ADARB2: variants seen among roughly 807,000 people sequenced by gnomAD.
The protein encoded by ADARB2 is adenosine deaminase RNA specific B2 (inactive).
ADARB2 carries 25 observed loss-of-function variants against 62.2 expected under a neutral mutation model. The ratio of observed to expected loss-of-function variants is 0.40; its 90% CI spans 0.29 to 0.56. The LOEUF is 0.56. Ranked by LOEUF, ADARB2 falls within the 20% of genes least tolerant of loss-of-function variation. ADARB2 has a pLI of 0.43. For missense variants in ADARB2, 1,071 were observed against 1,077.4 expected (o/e 0.99, Z 0.08); for synonymous variants, 572 against 500.8 (o/e 1.14, Z -1.90).
chr10:1,612,436 G>A (rs1260078027), intron 1 of ADARB2, among the ~76,000 whole-genome samples: 2 of 152,242 alleles, frequency 1.3e-5, no homozygotes, highest in Non-Finnish European at 2.9e-5. Context: ...GAAAGCAGCA[G>A]GTGGTCATGA....
intron 3 of ADARB2, among the ~76,000 whole-genome samples, chr10:1,331,713 T>C (rs750536096): frequency 6.6e-6 from 1 of 152,214 alleles, no homozygotes; most frequent in Non-Finnish European, 1.5e-5. Flanking sequence ...CTTTAAAGGG[T>C]GATTTTTATG....
rs965835496 is a variant in ADARB2 at position 1,367,842 on chromosome 10, G to A, written c.188-3925C>T. 2.6e-5 allele frequency among the ~76,000 whole-genome samples: 4 copies of A among 152,350 alleles called. No homozygotes were observed. The East Asian group carries it at 5.8e-4, about 22-fold the overall frequency. On this transcript the variant is annotated intron_variant, in intron 2 of 9. Transcript: ENST00000381312. Reference sequence around the variant, plus strand: ...ACAGCAACGCTTTGCCGCTAGCTGCGCTGAATGCCTCTTCCTGACTCAATG... The same window carrying A: ...ACAGCAACGCTTTGCCGCTAGCTGCACTGAATGCCTCTTCCTGACTCAATG...
intron 1 of ADARB2, among the ~76,000 whole-genome samples, chr10:1,632,951 C>T (rs1833861137): frequency 6.6e-6 from 1 of 152,152 alleles, no homozygotes; most frequent in South Asian, 2.1e-4. Flanking sequence ...CTGCCCTTGT[C>T]CATGTGGGTG....
At chr10:1,352,024 C>G (rs564517490) in intron 3 of ADARB2, among the ~76,000 whole-genome samples, 11 of 151,580 alleles carry the variant, frequency 7.3e-5, no homozygotes, top group African/African-American at 2.4e-4. Context: ...TCATCCCAGC[C>G]TCTCTTCGCT....
chr10:1,617,482 G>A (rs1370352603), intron 1 of ADARB2, among the ~76,000 whole-genome samples: 2 of 116,382 alleles, frequency 1.7e-5, no homozygotes, highest in Non-Finnish European at 1.8e-5. Context: ...TTGTGTGCCC[G>A]TCCAGACACA....
Position 1,593,795 on chromosome 10 carries a change from C to A in ADARB2, c.100+143256G>T, listed in dbSNP as rs192395185. Among the ~76,000 whole-genome samples, 453 of 152,286 alleles carry A rather than the reference C, an allele frequency of 3.0e-3. 4 individuals are homozygous for A. Among genetic ancestry groups the A allele is most frequent in the African/African-American group, 0.01 (422 of 41,558 alleles). ...TTATTTGACTTTTACCCTTCTCTCT[C>A]TTTTTTCCTAATACAGTGCTTGGTA... On this transcript the variant is annotated intron_variant, in intron 1 of 9. Transcript: ENST00000381312.
intron 1 of ADARB2, among the ~76,000 whole-genome samples, chr10:1,735,398 C>T (rs1005592511): frequency 6.6e-6 from 1 of 152,188 alleles, no homozygotes; most frequent in Non-Finnish European, 1.5e-5. Flanking sequence ...TGGAGAAAGG[C>T]AACACTTTCC....
chr10:1,269,664 G>T (rs1831239775), intron 4 of ADARB2, among the ~76,000 whole-genome samples: 2 of 152,028 alleles, frequency 1.3e-5, no homozygotes, highest in South Asian at 4.2e-4. Context: ...GATGCTCTTG[G>T]CCTGCCAAAC....
At chr10:1,437,847 G>A (rs895392794) in intron 1 of ADARB2, among the ~76,000 whole-genome samples, 3 of 152,226 alleles carry the variant, frequency 2.0e-5, no homozygotes, top group African/African-American at 7.2e-5. Context: ...TATGGGACGT[G>A]TAGGGCAGAT....
At chr10:1,483,478 C>T (rs1588274070) in intron 1 of ADARB2, among the ~76,000 whole-genome samples, 2 of 152,126 alleles carry the variant, frequency 1.3e-5, no homozygotes, top group South Asian at 2.1e-4. Flanking sequence ...CAGATGTTCA[C>T]GGAAAACAAT....
At chr10:1,271,236 T>C (rs541133273) in intron 3 of ADARB2, among the ~76,000 whole-genome samples, 167 bp from the exon 4 acceptor site, 1 of 152,280 alleles carries the variant, frequency 6.6e-6, no homozygotes, top group East Asian at 1.9e-4. Flanking sequence ...ACACGGCCTC[T>C]CCCTGGCTGT....
At chr10:1,185,752 G>A (rs2131734086) in intron 8 of ADARB2, among the ~76,000 whole-genome samples, 1 of 152,358 alleles carries the variant, frequency 6.6e-6, no homozygotes, top group East Asian at 1.9e-4. Flanking sequence ...GTCCTGTCCA[G>A]AGAGAGCCGG....
At chr10:1,543,661 T>G (rs1225401734) in intron 1 of ADARB2, among the ~76,000 whole-genome samples, 1 of 152,190 alleles carries the variant, frequency 6.6e-6, no homozygotes, top group African/African-American at 2.4e-5. Context: ...AACTTCATTC[T>G]TCAACGGATA....
intron 1 of ADARB2, among the ~76,000 whole-genome samples, chr10:1,662,249 G>A (rs191154890): frequency 1.3e-5 from 2 of 152,286 alleles, no homozygotes; most frequent in African/African-American, 2.4e-5. Flanking sequence ...AGGGGAGCCC[G>A]GTCCACGGGT....
chr10:1,244,883 G>C (rs113134460), intron 4 of ADARB2, among the ~76,000 whole-genome samples: 6 of 152,314 alleles, frequency 3.9e-5, no homozygotes, highest in African/African-American at 1.4e-4. Flanking sequence ...CATAATCTGC[G>C]TATTCTACGG....
rs17156046 is a variant in ADARB2, at chr10:1,179,459, C to T, written c.*3734G>A. The stretch of plus-strand genomic sequence containing the variant: ...TCAGCAAAAACAAAACCCACAGAAA[C>T]CCTAACTCTATCCCTTGATATCACA... On this transcript the variant is annotated 3_prime_UTR_variant, in exon 10 of 10. Transcript: ENST00000381312. 0.14 allele frequency: 20,710 copies of T among 152,268 alleles called. 1,704 individuals are homozygous for T. Among genetic ancestry groups the T allele is most frequent in the East Asian group, 0.29 (1,516 of 5,180 alleles). The allele number at this position is 152,268 out of a possible 1,614,324, so 9.4% of individuals were successfully genotyped here.
At chr10:1,327,965 A>ACAGCACCTCCTCACAG (rs1182797568) in intron 3 of ADARB2, among the ~76,000 whole-genome samples, 1 of 112,160 alleles carries the variant, frequency 8.9e-6, no homozygotes, top group Non-Finnish European at 2.0e-5. Flanking sequence ...TCTCACCAGT[A>ACAGCACCTCCTCACAG]CTCAGCGCCT....
chr10:1,621,693 C>T (rs539835960), intron 1 of ADARB2, among the ~76,000 whole-genome samples: 14 of 152,292 alleles, frequency 9.2e-5, no homozygotes, highest in African/African-American at 2.9e-4. Flanking sequence ...CAAAACATTA[C>T]TGAAAGAAAT....
chr10:1,435,988 A>C (rs1016159073), intron 1 of ADARB2, among the ~76,000 whole-genome samples: 1 of 152,208 alleles, frequency 6.6e-6, no homozygotes, highest in Non-Finnish European at 1.5e-5. Context: ...TAACTAAACA[A>C]ACGTTAGCTG....
Sources: gnomAD v4.1 joint callset for allele counts (sites outside exome capture counted in the v4.1 genomes callset) on GRCh38, gnomAD v4.1.1 for gene constraint, MANE v1.5 for transcripts, NCBI Gene and HGNC (gene_info 2026-07-23, HGNC 2026-07-21) for gene names.